The following LARP4B variants were observed in gnomAD, a reference collection of about 807,000 sequenced individuals.
The protein encoded by LARP4B is La ribonucleoprotein 4B.
LARP4B carries 12 observed loss-of-function variants against 89.8 expected under a neutral mutation model. The ratio of observed to expected loss-of-function variants is 0.13; its 90% confidence interval spans 0.09 to 0.22. The LOEUF (loss-of-function observed/expected upper bound fraction) is 0.22, where lower values mean the gene tolerates loss of function less well. Among genes scored for constraint, LARP4B ranks in the 10% least tolerant of loss-of-function variants. The pLI is 1.00. For missense variants in LARP4B, 757 were observed against 947.7 expected (o/e 0.80, Z 2.64); for synonymous variants, 367 against 363.3 (o/e 1.01, Z -0.12).
At position 814,183 on chromosome 10, in the gene LARP4B, C is replaced by G. The variant is rs1831895035; in HGVS notation, c.1929+559G>C. 6.6e-6 allele frequency among the ~76,000 whole-genome samples: 1 copy of G among 151,878 alleles called. No individual in the cohort carries two copies. The highest frequency in any genetic ancestry group is 6.6e-5 in the Admixed American group (1 of 15,258). On this transcript the variant is annotated intron_variant, in intron 17 of 17. Transcript: ENST00000316157. This position sits in a 1 kb window ranked among gnomAD's most constrained non-coding sequence, Gnocchi z 4.4. ...CCTTTTTTAGACTCAGCCCAGGGGA[C>G]AGTAAGGGATTAAACTCCCAAATTC...
At chr10:915,580 G>A (rs1836795630) in intron 1 of LARP4B, among the ~76,000 whole-genome samples, 7 of 152,264 alleles carry the variant, frequency 4.6e-5, no homozygotes, top group African/African-American at 1.7e-4. Context: ...CAAGGTGGGT[G>A]GATCACGAGG....
the LARP4B span, among the ~76,000 whole-genome samples, chr10:959,885 G>C: frequency 4.2e-4 from 37 of 88,778 alleles, 1 homozygote; most frequent in Admixed American, 1.7e-3. Context: ...CCACCTCCTC[G>C]TCAATCCACC....
the LARP4B span, chr10:972,115 C>A: frequency 4.6e-6 from 1 of 215,814 alleles, no homozygotes; most frequent in African/African-American, 2.3e-5. Flanking sequence ...GCAACCTCTG[C>A]CTCCCAGGTT....
intron 2 of LARP4B, among the ~76,000 whole-genome samples, chr10:884,755 C>A (rs1646900285): frequency 6.6e-6 from 1 of 152,100 alleles, no homozygotes; most frequent in African/African-American, 2.4e-5. Context: ...CTCAAAGCCA[C>A]TTTGGAACTT....
the LARP4B span, among the ~76,000 whole-genome samples, chr10:950,595 T>C: frequency 5.9e-5 from 9 of 152,188 alleles, no homozygotes; most frequent in Non-Finnish European, 1.0e-4. Context: ...GGAAAAATGA[T>C]ATTTTTGCTA....
At chr10:944,311 T>A in the LARP4B span, among the ~76,000 whole-genome samples, 1 of 152,168 alleles carries the variant, frequency 6.6e-6, no homozygotes, top group Non-Finnish European at 1.5e-5. Context: ...ACCTGTTTCC[T>A]GGGAAGGTAG....
Position 814,402 on chromosome 10 carries a change from C to T in LARP4B, c.1929+340G>A. ...CTTCATCAGACACACGATGCGCGCG[C>T]ACGCACGCAAACATACACACACGCG... On this transcript the variant is annotated intron_variant, in intron 17 of 17. Coordinates refer to ENST00000316157, the MANE Select transcript of LARP4B (RefSeq NM_015155.3). This position sits in a 1 kb window ranked among gnomAD's most constrained non-coding sequence, Gnocchi z 4.4. 5.3e-6 allele frequency: 2 copies of T among 376,010 alleles called. 1 individual carries two copies. Among genetic ancestry groups the T allele is most frequent in the South Asian group, 4.3e-5 (2 of 45,984 alleles). The allele number at this position is 376,010 out of a possible 1,614,324, so 23.3% of individuals were successfully genotyped here.
At position 825,336 on chromosome 10, in the gene LARP4B, T is replaced by C; in HGVS notation, c.1233-20A>G. The C allele has an allele frequency of 3.1e-6, 5 of 1,610,840 alleles. No homozygotes were observed. Among genetic ancestry groups the C allele is most frequent in the Non-Finnish European group, 3.4e-6 (4 of 1,178,176 alleles). On this transcript the variant is annotated intron_variant, in intron 12 of 17. Transcript: ENST00000316157. ...GGATTCCTGTAAATAAAAATGGTTT[T>C]ATGTGTTGAGTTATAAAATGATCAA...
chr10:981,639 C>T, the LARP4B span, among the ~76,000 whole-genome samples: 8 of 151,954 alleles, frequency 5.3e-5, no homozygotes, highest in South Asian at 2.1e-4. Context: ...GGTACGATCT[C>T]GGCTCACCGC....
chr10:904,233 G>A (rs754064859), intron 1 of LARP4B, among the ~76,000 whole-genome samples: 6 of 152,042 alleles, frequency 3.9e-5, no homozygotes, highest in Non-Finnish European at 8.8e-5. Flanking sequence ...AATATGGGCA[G>A]CATAGCGACA....
At chr10:935,174 C>T (rs1318599801), upstream of LARP4B, among the ~76,000 whole-genome samples, 2 of 152,192 alleles carry the variant, frequency 1.3e-5, no homozygotes, top group African/African-American at 2.4e-5. Flanking sequence ...TGAGTCTACA[C>T]TTGAATAAAA....
At chr10:892,664 C>T (rs898945134) in intron 1 of LARP4B, among the ~76,000 whole-genome samples, 1 of 151,118 alleles carries the variant, frequency 6.6e-6, no homozygotes, top group African/African-American at 2.4e-5. Context: ...CTCAGCCTCC[C>T]GAGTAGCTGG....
chr10:901,811 G>GA (rs1386497344), intron 1 of LARP4B, among the ~76,000 whole-genome samples: 5 of 152,020 alleles, frequency 3.3e-5, no homozygotes, highest in African/African-American at 1.2e-4. Flanking sequence ...TGCTTCTACT[G>GA]AAAAAAACAG....
At chr10:848,634 G>C (rs144080786) in intron 5 of LARP4B, among the ~76,000 whole-genome samples, 46 of 150,562 alleles carry the variant, frequency 3.1e-4, no homozygotes, top group African/African-American at 1.0e-3. Flanking sequence ...TACTTGATGA[G>C]ATTAACAACA....
At chr10:856,252 T>C (rs1834297585) in intron 5 of LARP4B, among the ~76,000 whole-genome samples, 2 of 152,154 alleles carry the variant, frequency 1.3e-5, no homozygotes. Flanking sequence ...ATCCAAAACA[T>C]ATAAATAACT....
At chr10:979,651 TC>T in the LARP4B span, among the ~76,000 whole-genome samples, 22 of 152,220 alleles carry the variant, frequency 1.4e-4, no homozygotes, top group Non-Finnish European at 2.9e-4. Flanking sequence ...CTTTGTTGGT[TC>T]TTTTAACCCA....
At chr10:863,960 T>C in intron 4 of LARP4B, 77 bp from the exon 5 acceptor site, 1 of 1,563,728 alleles carries the variant, frequency 6.4e-7, no homozygotes, top group African/African-American at 1.4e-5. Flanking sequence ...ACACTTGCAG[T>C]GACTCAACTT....
intron 1 of LARP4B, among the ~76,000 whole-genome samples, chr10:929,928 C>G (rs895174563): frequency 1.6e-4 from 25 of 152,088 alleles, no homozygotes; most frequent in African/African-American, 5.6e-4. Flanking sequence ...TTTCACTTAG[C>G]AAACCTCAAT....
chr10:930,810 C>G (rs1837278565), intron 1 of LARP4B, among the ~76,000 whole-genome samples: 1 of 152,178 alleles, frequency 6.6e-6, no homozygotes, highest in Non-Finnish European at 1.5e-5. Context: ...CTTCCTGGTT[C>G]TAAAGGAATG....
Sources: gnomAD v4.1 joint callset for allele counts (sites outside exome capture counted in the v4.1 genomes callset) on GRCh38, gnomAD v4.1.1 for gene constraint, Gnocchi (gnomAD v3.1) non-coding constraint, MANE v1.5 for transcripts, NCBI Gene and HGNC (gene_info 2026-07-23, HGNC 2026-07-21) for gene names.